Variants in PDE6C observed in about 807,000 individuals in gnomAD.
PDE6C encodes the protein cone cGMP-specific 3',5'-cyclic phosphodiesterase subunit alpha'.
In PDE6C, 75 loss-of-function variants were observed where a neutral mutation model predicts 113.1. That is an observed-to-expected ratio of 0.66 (90% CI 0.55 to 0.80). PDE6C has a LOEUF of 0.80. PDE6C is among the 30% of genes least tolerant of loss of function. The pLI is 0.00. For synonymous variants in PDE6C, 375 were observed against 363.7 expected (o/e 1.03, Z -0.35); for missense variants, 912 against 1,038.6 (o/e 0.88, Z 1.67).
At chr10:93,663,316 C>T (rs528977566) in intron 21 of PDE6C, 138 bp downstream of exon 21, 17 of 852,604 alleles carry the variant, frequency 2.0e-5, no homozygotes, top group East Asian at 1.1e-4. Flanking sequence ...TTTAACAGGC[C>T]GATTAGTGGT....
intron 7 of PDE6C, among the ~76,000 whole-genome samples, chr10:93,627,697 A>G (rs898209853): frequency 6.6e-6 from 1 of 152,234 alleles, no homozygotes; most frequent in Non-Finnish European, 1.5e-5. Flanking sequence ...TGAAAAGTTT[A>G]AAAAAGAATA....
At chr10:93,623,078 G>C (rs911681867) in intron 4 of PDE6C, among the ~76,000 whole-genome samples, 1 of 152,126 alleles carries the variant, frequency 6.6e-6, no homozygotes, top group Non-Finnish European at 1.5e-5. Context: ...TTACTGTTTT[G>C]CATGTCTACC....
chr10:93,664,479 T>G (rs191486382), intron 21 of PDE6C, among the ~76,000 whole-genome samples: 1 of 152,322 alleles, frequency 6.6e-6, no homozygotes, highest in African/African-American at 2.4e-5. Context: ...GCCTTGAAGG[T>G]GGGCTAAAAA....
chr10:93,664,519 T>TAAGA (rs1259607468), intron 21 of PDE6C, among the ~76,000 whole-genome samples: 1 of 152,152 alleles, frequency 6.6e-6, no homozygotes, highest in African/African-American at 2.4e-5. Flanking sequence ...AGATTTAAGG[T>TAAGA]AAGATATGAT....
intron 21 of PDE6C, among the ~76,000 whole-genome samples, chr10:93,664,196 T>C (rs1352995908): frequency 6.6e-6 from 1 of 152,156 alleles, no homozygotes; most frequent in East Asian, 1.9e-4. Flanking sequence ...GTGGGGGAAC[T>C]AAACATTGTG....
intron 1 of PDE6C, among the ~76,000 whole-genome samples, 163 bp from the exon 2 acceptor site, chr10:93,620,469 A>G (rs534889872): frequency 1.8e-4 from 27 of 152,284 alleles, no homozygotes; most frequent in African/African-American, 5.8e-4. Context: ...ATGCAGTCAT[A>G]GGATGGCAGG....
intron 7 of PDE6C, among the ~76,000 whole-genome samples, chr10:93,628,659 TA>T (rs1462068722): frequency 2.0e-5 from 3 of 152,196 alleles, no homozygotes; most frequent in African/African-American, 7.2e-5. Flanking sequence ...GGTCTTTTAT[TA>T]AGATCCATTT....
chr10:93,633,491 TAAAC>T (rs973845843), intron 8 of PDE6C, among the ~76,000 whole-genome samples: 2 of 48,270 alleles, frequency 4.1e-5, no homozygotes, highest in African/African-American at 9.9e-5. Flanking sequence ...TAAAAAAAAA[TAAAC>T]AAGCTAAAAC....
chr10:93,638,065 T>C (rs1360874994), intron 11 of PDE6C, among the ~76,000 whole-genome samples: 3 of 152,194 alleles, frequency 2.0e-5, no homozygotes, highest in Non-Finnish European at 4.4e-5. Context: ...CATGAAATCC[T>C]GGGATATTTA....
chr10:93,619,176 C>T lies in PDE6C; in HGVS notation c.481-1456C>T, dbSNP rs1156867793. ...TTTTTCTCAAGCCCTTCCATTTGTG[C>T]GCTTCTCCAGACTCATTACTCAGCC... is the stretch of plus-strand genomic sequence containing the variant. On this transcript the variant is annotated intron_variant, in intron 1 of 21. Coordinates refer to ENST00000371447, the MANE Select transcript of PDE6C (RefSeq NM_006204.4). 4.6e-5 allele frequency among the ~76,000 whole-genome samples: 7 copies of T among 152,254 alleles called. No homozygotes were observed. The South Asian group carries it at 6.2e-4, about 14-fold the overall frequency.
intron 18 of PDE6C, among the ~76,000 whole-genome samples, chr10:93,660,268 G>C (rs909266365): frequency 3.3e-5 from 5 of 152,194 alleles, no homozygotes; most frequent in African/African-American, 1.2e-4. Context: ...TAATACAGGA[G>C]CCTTCGTGAG....
intron 15 of PDE6C, among the ~76,000 whole-genome samples, chr10:93,652,386 A>C (rs1341482404): frequency 6.6e-6 from 1 of 152,218 alleles, no homozygotes; most frequent in Non-Finnish European, 1.5e-5. Flanking sequence ...AAAATCTAAA[A>C]GAATGTAGAA....
intron 5 of PDE6C, 136 bp from the exon 6 acceptor site, chr10:93,626,504 G>C: frequency 1.6e-6 from 1 of 640,118 alleles, no homozygotes; most frequent in Non-Finnish European, 2.8e-6. Context: ...TAAGTAGTTT[G>C]ATAATTTATG....
intron 16 of PDE6C, 111 bp downstream of exon 16, chr10:93,655,971 CACACAG>C: frequency 6.6e-6 from 5 of 753,116 alleles, no homozygotes; most frequent in Non-Finnish European, 7.4e-6. Flanking sequence ...CACATACACA[CACACAG>C]ACACACACAC....
At chr10:93,630,219 C>T (rs2058494095) in intron 8 of PDE6C, among the ~76,000 whole-genome samples, 1 of 152,122 alleles carries the variant, frequency 6.6e-6, no homozygotes, top group South Asian at 2.1e-4. Flanking sequence ...CACTCACCGC[C>T]AGATGCTCCC....
chr10:93,644,074 C>T (rs1191489045), intron 14 of PDE6C, among the ~76,000 whole-genome samples: 3 of 152,108 alleles, frequency 2.0e-5, no homozygotes, highest in Admixed American at 2.0e-4. Context: ...TGCAGAATAT[C>T]TTTCAATTTG....
intron 16 of PDE6C, among the ~76,000 whole-genome samples, chr10:93,656,184 A>G (rs2058637416): frequency 6.6e-6 from 1 of 152,254 alleles, no homozygotes; most frequent in South Asian, 2.1e-4. Flanking sequence ...AAAAGAGTGA[A>G]GCCAAGAGAC....
chr10:93,619,828 A>G lies in PDE6C; in HGVS notation c.481-804A>G, dbSNP rs57400440. Among the ~76,000 whole-genome samples the G allele has an allele frequency of 3.4e-3, 522 of 152,290 alleles. 9 individuals are homozygous for G. The South Asian group carries it at 0.035, about 10-fold the overall frequency. Reference sequence around the variant, plus strand: ...TCCTTTTTTGGGAATCTGTCACATAAAAATAAAAGCAAGAAGGATTAGTGC... The same window carrying G: ...TCCTTTTTTGGGAATCTGTCACATAGAAATAAAAGCAAGAAGGATTAGTGC... On this transcript the variant is annotated intron_variant, in intron 1 of 21. Transcript: ENST00000371447.
chr10:93,647,052 G>A (rs944031624), intron 15 of PDE6C, among the ~76,000 whole-genome samples: 16 of 152,184 alleles, frequency 1.1e-4, no homozygotes, highest in African/African-American at 2.7e-4. Flanking sequence ...CACATATTAC[G>A]TACTACTAAT....
Sources: allele counts gnomAD v4.1 joint callset (sites outside exome capture counted in the v4.1 genomes callset), GRCh38; gene constraint gnomAD v4.1.1; transcripts MANE v1.5; gene names NCBI Gene and HGNC (gene_info 2026-07-23, HGNC 2026-07-21).